The following TBATA variants were observed in gnomAD, a reference collection of about 807,000 sequenced individuals.
The protein encoded by TBATA is protein TBATA.
Under a neutral mutation model 38.7 loss-of-function variants are expected in TBATA, and 47 were observed. That is an observed-to-expected ratio of 1.21 (90% CI 0.96 to 1.55). The LOEUF (loss-of-function observed/expected upper bound fraction) is 1.55, where lower values mean the gene tolerates loss of function less well. TBATA is among the 40% of genes most tolerant of loss of function. The pLI is 0.00. For missense variants in TBATA, 436 were observed against 435.6 expected (o/e 1.00, Z -0.01); for synonymous variants, 183 against 170.5 (o/e 1.07, Z -0.57).
chr10:70,782,441 G>T (rs1261281069), intron 3 of TBATA: 3 of 1,294,876 alleles, frequency 2.3e-6, no homozygotes, highest in Non-Finnish European at 3.0e-6. Flanking sequence ...CTCTCCCCAA[G>T]CCAGACTGTG....
Position 70,783,541 on chromosome 10 carries a change from T to C in TBATA, c.-146-16A>G. On this transcript the variant is annotated splice_polypyrimidine_tract_variant and intron_variant, in intron 2 of 10. Transcript: ENST00000456372. ...GGAACAGGCACTTTAGGGGGAGAAA[T>C]GGTAATATCTTTTAAAATTGAGCAT... 1.4e-6 allele frequency: 1 copy of C among 714,646 alleles called. No individual in the cohort carries two copies. The highest frequency in any genetic ancestry group is 1.7e-5 in the South Asian group (1 of 59,166). 44.3% of individuals were successfully genotyped at this position (714,646 alleles called of 1,614,324 possible).
intron 6 of TBATA, among the ~76,000 whole-genome samples, chr10:70,778,206 C>A (rs896114745): frequency 2.6e-5 from 4 of 152,188 alleles, no homozygotes; most frequent in Non-Finnish European, 4.4e-5. Context: ...GTCTGCCCCC[C>A]CTCACCTTTC....
chr10:70,774,334 G>A lies in TBATA; in HGVS notation c.799C>T (p.Leu267=), dbSNP rs1278555498. The A allele has an allele frequency of 1.2e-6, 2 of 1,602,268 alleles. No homozygotes were observed. The highest frequency in any genetic ancestry group is 2.2e-5 in the East Asian group (1 of 44,536). The part of the protein sequence containing the change: ...PKEKDLALGL[L]QTAVAQLLPQ... ...AGGAGCTGAGCCACTGCTGTCTGCA[G>A]GAGTCCCAGAGCGAGGTCTTTTTCT... The change falls in exon 9 of 11, where the codon CTG becomes TTG. Residue 267 remains leucine (L), a synonymous_variant. Transcript: ENST00000456372.
chr10:70,781,699 G>A, intron 4 of TBATA, 102 bp downstream of exon 4: 1 of 1,161,380 alleles, frequency 8.6e-7, no homozygotes, highest in Non-Finnish European at 1.2e-6. Flanking sequence ...ATCCTCTCTG[G>A]GCCCCAGCCT....
intron 8 of TBATA, among the ~76,000 whole-genome samples, chr10:70,774,664 C>T (rs1843159595): frequency 6.6e-6 from 1 of 152,142 alleles, no homozygotes; most frequent in Admixed American, 6.5e-5. Flanking sequence ...CTTCCTCCTC[C>T]CCCTTCTCCT....
At chr10:70,782,631 G>A (rs575616140) in intron 3 of TBATA, 3 of 985,336 alleles carry the variant, frequency 3.0e-6, no homozygotes, top group South Asian at 4.7e-5. Flanking sequence ...TACTGGGGCT[G>A]TGGCGCTGAG....
chr10:70,774,372 C>G lies in TBATA; in HGVS notation c.776-15G>C, dbSNP rs372705159. 4 of 1,574,026 alleles carry G rather than the reference C, an allele frequency of 2.5e-6. No individual in the cohort carries two copies. The highest frequency in any genetic ancestry group is 1.3e-5 in the African/African-American group (1 of 74,614). On this transcript the variant is annotated splice_polypyrimidine_tract_variant and intron_variant, in intron 8 of 10. Transcript: ENST00000456372. Reference sequence around the variant, plus strand: ...GAGGTCTTTTTCTGAAAGCACAGCCCGGGGGCAGTGTCCTCAGCCCCCAGC... The same window carrying G: ...GAGGTCTTTTTCTGAAAGCACAGCCGGGGGGCAGTGTCCTCAGCCCCCAGC...
chr10:70,776,062 G>A (rs1216558291), intron 7 of TBATA, among the ~76,000 whole-genome samples: 1 of 152,216 alleles, frequency 6.6e-6, no homozygotes, highest in East Asian at 1.9e-4. Context: ...TGGAGTTGGG[G>A]CCTGAGGTGA....
intron 4 of TBATA, among the ~76,000 whole-genome samples, chr10:70,781,420 A>G (rs1048181553): frequency 1.3e-5 from 2 of 152,212 alleles, no homozygotes; most frequent in Non-Finnish European, 2.9e-5. Flanking sequence ...CCCAAGGCCT[A>G]AAAAAGTGCC....
intron 6 of TBATA, chr10:70,777,655 C>T (rs144738734): frequency 5.9e-4 from 245 of 415,988 alleles, no homozygotes; most frequent in African/African-American, 4.1e-3. Flanking sequence ...GCTGGATGCC[C>T]GCGGGTGGTT....
Position 70,779,673 on chromosome 10 carries a change from G to T in TBATA, c.347C>A (p.Ser116Tyr). The change falls in exon 5 of 11, where the codon TCC becomes TAC. Residue 116 changes from serine to tyrosine, a missense_variant. Physicochemically the swap from Ser to Tyr is moderately radical, Grantham distance 144. Transcript: ENST00000456372. ...PAPLPESTVF[S>Y]GCQMGIPTIS... ...GGTGGGTATCCCCATTTGACAGCCGGAAAAGACAGTTGACTCAGGCAAGGG... is the reference window on the plus strand; with the variant it reads ...GGTGGGTATCCCCATTTGACAGCCGTAAAAGACAGTTGACTCAGGCAAGGG... 1 of 1,536,310 alleles carries T rather than the reference G, an allele frequency of 6.5e-7. No individual in the cohort carries two copies. The highest frequency in any genetic ancestry group is 8.7e-7 in the Non-Finnish European group (1 of 1,151,708).
At position 70,774,298 on chromosome 10, in the gene TBATA, G is replaced by A. The variant is rs373624773; in HGVS notation, c.835C>T (p.Leu279=). ...AGCTTTTCTGTAGGGATGGAGACTA[G>A]GGGCTGGGGAAGGAGCTGAGCCACT... The part of the protein sequence containing the change: ...TAVAQLLPQP[L]VSIPTEKLLS... Residue 279 remains leucine, a synonymous_variant, in exon 9 of 11, where the codon CTA becomes TTA. Transcript: ENST00000456372. The A allele has an allele frequency of 1.2e-6, 2 of 1,609,530 alleles. No individual in the cohort carries two copies. The highest frequency in any genetic ancestry group is 2.2e-5 in the South Asian group (2 of 89,424).
intron 9 of TBATA, among the ~76,000 whole-genome samples, chr10:70,773,471 C>CTG (rs1554826534): frequency 6.6e-6 from 1 of 151,394 alleles, no homozygotes; most frequent in African/African-American, 2.4e-5. Flanking sequence ...ACAGGCCCCC[C>CTG]CGGCTTCACC....
intron 4 of TBATA, 51 bp from the exon 5 acceptor site, chr10:70,779,793 G>A (rs1229281709): frequency 6.7e-7 from 1 of 1,491,736 alleles, no homozygotes; most frequent in Non-Finnish European, 8.9e-7. Flanking sequence ...GACCTTAAGA[G>A]CTCCAGGAGG....
chr10:70,777,750 C>A (rs1163369832), intron 6 of TBATA: 1 of 427,970 alleles, frequency 2.3e-6, no homozygotes, highest in South Asian at 1.7e-5. Context: ...GCACCAAGGG[C>A]CCACCGCCTA....
intron 3 of TBATA, among the ~76,000 whole-genome samples, 186 bp downstream of exon 3, chr10:70,783,153 C>T (rs555750508): frequency 7.2e-5 from 11 of 152,342 alleles, no homozygotes; most frequent in African/African-American, 2.4e-4. Context: ...GGGCAAAGCC[C>T]ACTACCTGGG....
At chr10:70,780,354 A>G (rs775022050) in intron 4 of TBATA, among the ~76,000 whole-genome samples, 5 of 152,094 alleles carry the variant, frequency 3.3e-5, no homozygotes, top group Non-Finnish European at 7.4e-5. Flanking sequence ...GCAAGGACCT[A>G]GCAGGGCTGC....
intron 9 of TBATA, 27 bp from the exon 10 acceptor site, chr10:70,772,593 G>C (rs764351493): frequency 1.2e-6 from 2 of 1,613,928 alleles, no homozygotes; most frequent in Admixed American, 3.3e-5. Context: ...AGAAGGGGCT[G>C]GGAAGGTCAT....
intron 4 of TBATA, among the ~76,000 whole-genome samples, chr10:70,780,065 C>T (rs1316394562): frequency 6.6e-6 from 1 of 152,068 alleles, no homozygotes; most frequent in Non-Finnish European, 1.5e-5. Context: ...AACAAATTGC[C>T]GATGTGAGTA....
Sources: gnomAD v4.1 joint callset for allele counts (sites outside exome capture counted in the v4.1 genomes callset) on GRCh38, gnomAD v4.1.1 for gene constraint, MANE v1.5 for transcripts, NCBI Gene and HGNC (gene_info 2026-07-23, HGNC 2026-07-21) for gene names.